The following PLD5 variants were observed in gnomAD, a reference collection of about 807,000 sequenced individuals.
PLD5 encodes the protein inactive phospholipase D5.
PLD5 carries 36 observed loss-of-function variants against 61.1 expected under a neutral mutation model. That is an observed-to-expected ratio of 0.59 (90% CI 0.45 to 0.78). The LOEUF is 0.78. PLD5 is among the 30% of genes least tolerant of loss of function. PLD5 has a pLI of 0.00. For synonymous variants in PLD5, 243 were observed against 242.8 expected, an observed-to-expected ratio of 1.00 and a Z score of -0.01; for missense variants, 515 against 644.4, an observed-to-expected ratio of 0.80 and a Z score of 2.17.
Position 242,310,742 on chromosome 1 carries a change from G to T in PLD5, c.327-22212C>A, listed in dbSNP as rs2796079. Among the ~76,000 whole-genome samples, 695 of 152,298 alleles carry T rather than the reference G, an allele frequency of 4.6e-3. 5 individuals carry two copies. The highest frequency in any genetic ancestry group is 0.016 in the African/African-American group (663 of 41,562). ...ACTAAAAATCTGTGCTCCAAGTATG[G>T]CCAGGTATATCTCTAGTGGATGGGG... On this transcript the variant is annotated intron_variant, in intron 2 of 9. Transcript: ENST00000536534.
chr1:242,271,637 G>A (rs1407153055), intron 3 of PLD5, among the ~76,000 whole-genome samples: 1 of 152,130 alleles, frequency 6.6e-6, no homozygotes, highest in East Asian at 1.9e-4. Context: ...ACCTGCCAGG[G>A]TGAAAGAAAT....
chr1:242,348,120 G>C lies in PLD5; in HGVS notation c.312C>G (p.Cys104Trp). ...EDEDGLSEKN[C>W]QNKCRIALVE... is the part of the protein sequence containing the mutation. ...TTACCTCTTACCGACATTTATTTTG[G>C]CAATTTTTTTCTGAGAGTCCATCCT... The change falls in exon 2 of 10, where the codon TGC becomes TGG. Residue 104 changes from cysteine to tryptophan, a missense_variant. Coordinates refer to ENST00000536534, the MANE Select transcript of PLD5 (RefSeq NM_001372062.1). The C allele has an allele frequency of 6.2e-7, 1 of 1,612,720 alleles. No individual in the cohort carries two copies. Among genetic ancestry groups the C allele is most frequent in the Non-Finnish European group, 8.5e-7 (1 of 1,179,558 alleles).
upstream of PLD5, chr1:242,524,744 T>TGCGGTGGGAGGGGC (rs1669398182): frequency 1.7e-5 from 1 of 60,592 alleles, no homozygotes; most frequent in Non-Finnish European, 3.4e-5. Context: ...GGGGGTGGGG[T>TGCGGTGGGAGGGGC]GCGGTGGGAG....
chr1:242,348,898 C>CA (rs1386120710), intron 1 of PLD5, among the ~76,000 whole-genome samples: 17 of 152,176 alleles, frequency 1.1e-4, no homozygotes, highest in East Asian at 7.7e-4. Flanking sequence ...ACTAAAAATA[C>CA]AAAAAATTAG....
chr1:242,515,058 G>A (rs1328728528), intron 1 of PLD5, among the ~76,000 whole-genome samples: 1 of 152,158 alleles, frequency 6.6e-6, no homozygotes, highest in Non-Finnish European at 1.5e-5. Flanking sequence ...CTCTGTAAAT[G>A]TTTACTTCGT....
intron 6 of PLD5, among the ~76,000 whole-genome samples, chr1:242,122,857 G>C (rs1662491637): frequency 6.6e-6 from 1 of 152,092 alleles, no homozygotes; most frequent in Admixed American, 6.6e-5. Flanking sequence ...CAGGCAAAAA[G>C]GATACAATTC....
chr1:242,455,757 T>C (rs1045261340), intron 1 of PLD5, among the ~76,000 whole-genome samples: 2 of 152,216 alleles, frequency 1.3e-5, no homozygotes, highest in Non-Finnish European at 2.9e-5. Context: ...TACAAGGCTG[T>C]GTAAGGTGTC....
At chr1:242,217,123 C>A (rs907957922) in intron 5 of PLD5, among the ~76,000 whole-genome samples, 2 of 152,202 alleles carry the variant, frequency 1.3e-5, no homozygotes, top group African/African-American at 4.8e-5. Context: ...CCCAATAGCT[C>A]TGACGAAGAT....
intron 1 of PLD5, among the ~76,000 whole-genome samples, chr1:242,415,644 C>G (rs1664780091): frequency 6.6e-6 from 1 of 151,870 alleles, no homozygotes; most frequent in Non-Finnish European, 1.5e-5. Context: ...TCCTGAGTAG[C>G]TGGGACTACA....
chr1:242,219,633 T>G (rs1670435234), intron 5 of PLD5, among the ~76,000 whole-genome samples: 1 of 152,212 alleles, frequency 6.6e-6, no homozygotes, highest in South Asian at 2.1e-4. Flanking sequence ...CTAAGACATA[T>G]TACTCTCTAC....
chr1:242,394,886 G>A (rs1285985778), intron 1 of PLD5, among the ~76,000 whole-genome samples: 20 of 94,808 alleles, frequency 2.1e-4, no homozygotes, highest in Admixed American at 5.6e-4. Flanking sequence ...ATGAATATAT[G>A]TATATATATG....
In PLD5 at chr1:242,228,624, G is replaced by C. The variant is rs368867308; in HGVS notation, c.608-8509C>G. 4.0e-3 allele frequency among the ~76,000 whole-genome samples: 602 copies of C among 151,430 alleles called. 6 individuals are homozygous for C. Among genetic ancestry groups the C allele is most frequent in the South Asian group, 0.015 (69 of 4,742 alleles). ...CCAAGTCCACATAATAGAAAGATAA[G>C]AGAAGTCAAGCTTCAGAGAATGAGG... On this transcript the variant is annotated intron_variant, in intron 4 of 9. Transcript: ENST00000536534.
intron 1 of PLD5, among the ~76,000 whole-genome samples, chr1:242,406,106 T>TA (rs1249373370): frequency 6.6e-6 from 1 of 152,086 alleles, no homozygotes; most frequent in Non-Finnish European, 1.5e-5. Flanking sequence ...AAGAATGACA[T>TA]ACAAACCTGT....
chr1:242,151,392 T>A (rs763751904), intron 5 of PLD5, among the ~76,000 whole-genome samples: 1 of 151,872 alleles, frequency 6.6e-6, no homozygotes, highest in East Asian at 1.9e-4. Flanking sequence ...CCCTCATAAC[T>A]TTTTTTCTAA....
intron 1 of PLD5, among the ~76,000 whole-genome samples, chr1:242,473,795 C>T (rs1381045156): frequency 6.6e-6 from 1 of 152,092 alleles, no homozygotes; most frequent in Non-Finnish European, 1.5e-5. Flanking sequence ...CTAATATGAG[C>T]TAGCATTGTA....
intron 5 of PLD5, among the ~76,000 whole-genome samples, chr1:242,168,567 A>C (rs1306809819): frequency 3.3e-5 from 5 of 152,216 alleles, no homozygotes; most frequent in Non-Finnish European, 7.3e-5. Context: ...AGGCTCTTAA[A>C]GGTTTTGGGG....
intron 1 of PLD5, among the ~76,000 whole-genome samples, chr1:242,379,586 A>G (rs540538219): frequency 1.3e-5 from 2 of 152,292 alleles, no homozygotes; most frequent in Non-Finnish European, 2.9e-5. Context: ...TAGTTACAGC[A>G]GAGCCCTCTT....
chr1:242,529,823 CTTCT>C, the PLD5 span, among the ~76,000 whole-genome samples: 1 of 136,584 alleles, frequency 7.3e-6, no homozygotes, highest in Admixed American at 7.5e-5. Context: ...TCCTTCCTTC[CTTCT>C]TCTTCTCTCC....
intron 1 of PLD5, among the ~76,000 whole-genome samples, chr1:242,480,940 G>A (rs1308708238): frequency 1.3e-5 from 2 of 151,986 alleles, no homozygotes; most frequent in South Asian, 2.1e-4. Flanking sequence ...AAAATAGTCT[G>A]GTAGGGTTTT....
Sources: allele counts gnomAD v4.1 joint callset (sites outside exome capture counted in the v4.1 genomes callset), GRCh38; gene constraint gnomAD v4.1.1; transcripts MANE v1.5; gene names NCBI Gene and HGNC (gene_info 2026-07-23, HGNC 2026-07-21).